CDH13: variants seen among roughly 807,000 people sequenced by gnomAD.
The protein encoded by CDH13 is cadherin-13.
In CDH13, 24 loss-of-function variants were observed where a neutral mutation model predicts 63.8. The ratio of observed to expected loss-of-function variants is 0.38; its 90% CI spans 0.27 to 0.53. The LOEUF is 0.53. Ranked by LOEUF, CDH13 falls within the 20% of genes least tolerant of loss-of-function variation. The probability of loss-of-function intolerance (pLI) is 0.85; values close to 1 mark genes in which losing one functional copy is unlikely to be tolerated. For synonymous variants in CDH13, 503 were observed against 355.3 expected, an observed-to-expected ratio of 1.42 and a Z score of -4.67; for missense variants, 1,049 against 903.1, an observed-to-expected ratio of 1.16 and a Z score of -2.07.
At chr16:82,927,801 GATC>G (rs751573315) in intron 2 of CDH13, among the ~76,000 whole-genome samples, 1 of 152,176 alleles carries the variant, frequency 6.6e-6, no homozygotes, top group Non-Finnish European at 1.5e-5. Context: ...ACACACAGCC[GATC>G]ATCAACAATG....
chr16:82,641,078 G>C (rs1056037520), intron 1 of CDH13, among the ~76,000 whole-genome samples: 1 of 152,180 alleles, frequency 6.6e-6, no homozygotes, highest in East Asian at 1.9e-4. Context: ...GTGTCATTGA[G>C]GTGGTCACAG....
intron 11 of CDH13, among the ~76,000 whole-genome samples, chr16:83,752,317 T>C (rs1245865137): frequency 6.6e-6 from 1 of 152,224 alleles, no homozygotes; most frequent in Admixed American, 6.5e-5. Context: ...TCTTTACATG[T>C]ATGCAGTAAT....
intron 2 of CDH13, among the ~76,000 whole-genome samples, chr16:82,927,140 T>C (rs895013198): frequency 1.7e-4 from 26 of 152,228 alleles, no homozygotes; most frequent in African/African-American, 6.0e-4. Context: ...TGCTTGGGCT[T>C]CCTCACAGGA....
At chr16:82,839,148 C>G (rs1567587244) in intron 1 of CDH13, among the ~76,000 whole-genome samples, 1 of 152,190 alleles carries the variant, frequency 6.6e-6, no homozygotes, top group Non-Finnish European at 1.5e-5. Context: ...GACAAGAACT[C>G]AGAGGGAGAG....
Position 82,904,076 on chromosome 16 carries a change from A to G in CDH13, c.157+45603A>G, listed in dbSNP as rs536603321. 2.0e-5 allele frequency among the ~76,000 whole-genome samples: 3 copies of G among 152,270 alleles called. No homozygotes were observed. In the East Asian group the frequency reaches 5.8e-4, roughly 29 times the overall value. On this transcript the variant is annotated intron_variant, in intron 2 of 13. Transcript: ENST00000567109. Reference sequence around the variant, plus strand: ...TTAAAATATTTAAGCACACAAATTAACTGGTGCTAATTATGATATTTTGAA... The same window carrying G: ...TTAAAATATTTAAGCACACAAATTAGCTGGTGCTAATTATGATATTTTGAA...
At chr16:83,557,612 C>T (rs4357934) in intron 7 of CDH13, among the ~76,000 whole-genome samples, 21 of 152,096 alleles carry the variant, frequency 1.4e-4, no homozygotes, top group African/African-American at 5.1e-4. Context: ...CTCAGGGTGA[C>T]ATACTCTGCT....
In CDH13 at chr16:82,629,095, A is replaced by C. The variant is rs1297641448; in HGVS notation, c.45+1958A>C. Among the ~76,000 whole-genome samples, 2 of 152,202 alleles carry C rather than the reference A, an allele frequency of 1.3e-5. 1 individual carries two copies. The highest frequency in any genetic ancestry group is 3.9e-4 in the East Asian group (2 of 5,192). Reference sequence around the variant, plus strand: ...AGTTCATATTCCAGGGCTTGCCCAAAGTTATGCCTCCTTTAAAGCAAGACA... The same window carrying C: ...AGTTCATATTCCAGGGCTTGCCCAACGTTATGCCTCCTTTAAAGCAAGACA... On this transcript the variant is annotated intron_variant, in intron 1 of 13. Coordinates refer to ENST00000567109, the MANE Select transcript of CDH13 (RefSeq NM_001257.5).
intron 6 of CDH13, among the ~76,000 whole-genome samples, chr16:83,426,969 C>T (rs953696322): frequency 2.2e-5 from 3 of 133,376 alleles, no homozygotes; most frequent in African/African-American, 6.0e-5. Flanking sequence ...CTCTGTCGCC[C>T]AGGCTAGAGT....
intron 7 of CDH13, among the ~76,000 whole-genome samples, chr16:83,545,097 A>G (rs1281035761): frequency 4.6e-5 from 7 of 152,146 alleles, no homozygotes; most frequent in African/African-American, 1.7e-4. Flanking sequence ...TCACAAGCCC[A>G]TTGTTAGAGC....
At chr16:82,911,677 ACAG>A (rs2041835140) in intron 2 of CDH13, among the ~76,000 whole-genome samples, 1 of 152,168 alleles carries the variant, frequency 6.6e-6, no homozygotes, top group East Asian at 1.9e-4. Context: ...CTTGATGCAG[ACAG>A]CACCTGGTAA....
chr16:83,109,932 C>G (rs961577362), intron 3 of CDH13, among the ~76,000 whole-genome samples: 2 of 152,182 alleles, frequency 1.3e-5, no homozygotes, highest in Non-Finnish European at 2.9e-5. Flanking sequence ...ATTGCTCCTG[C>G]TAGATTCGTG....
At chr16:82,743,281 C>T (rs577724897) in intron 1 of CDH13, among the ~76,000 whole-genome samples, 129 of 152,288 alleles carry the variant, frequency 8.5e-4, no homozygotes, top group African/African-American at 2.9e-3. Flanking sequence ...GGCTGGAGCG[C>T]GGTGGCACTC....
chr16:83,175,068 A>T (rs568603126), intron 4 of CDH13, among the ~76,000 whole-genome samples: 4 of 152,194 alleles, frequency 2.6e-5, no homozygotes, highest in African/African-American at 9.6e-5. Flanking sequence ...TCAAATCATC[A>T]GCTACGTATC....
chr16:83,411,723 A>G lies in CDH13; in HGVS notation c.781+66717A>G, dbSNP rs533458950. On this transcript the variant is annotated intron_variant, in intron 6 of 13. Coordinates refer to ENST00000567109, the MANE Select transcript of CDH13 (RefSeq NM_001257.5). Reference sequence around the variant, plus strand: ...CCTAGTACACATTACAGTGTTTCACACAGAGTAGGCACTTAAACATACCAG... The same window carrying G: ...CCTAGTACACATTACAGTGTTTCACGCAGAGTAGGCACTTAAACATACCAG... 2.6e-5 allele frequency among the ~76,000 whole-genome samples: 4 copies of G among 152,262 alleles called. No individual in the cohort carries two copies. The East Asian group carries it at 7.7e-4, about 29-fold the overall frequency.
At chr16:82,998,744 T>A (rs1362443505) in intron 2 of CDH13, among the ~76,000 whole-genome samples, 2 of 152,104 alleles carry the variant, frequency 1.3e-5, no homozygotes, top group Non-Finnish European at 2.9e-5. Flanking sequence ...TAGAATAACA[T>A]ATACATATAA....
At chr16:83,774,257 C>G (rs952617936) in intron 11 of CDH13, among the ~76,000 whole-genome samples, 5 of 152,152 alleles carry the variant, frequency 3.3e-5, no homozygotes, top group African/African-American at 1.2e-4. Flanking sequence ...AATGATGATT[C>G]CTTGGGTACC....
chr16:83,391,265 A>G (rs8059012), intron 6 of CDH13, among the ~76,000 whole-genome samples: 84,293 of 151,320 alleles, frequency 0.56, 25,483 homozygotes, highest in African/African-American at 0.82. Context: ...GACTGCAATA[A>G]CATGATCTTG....
chr16:82,772,697 C>G (rs1350891), intron 1 of CDH13, among the ~76,000 whole-genome samples: 23,194 of 152,142 alleles, frequency 0.15, 2,312 homozygotes, highest in East Asian at 0.52. Context: ...CATCCTCACT[C>G]TAACTATTAT....
intron 5 of CDH13, among the ~76,000 whole-genome samples, chr16:83,222,347 T>A (rs1183803771): frequency 6.6e-6 from 1 of 152,198 alleles, no homozygotes; most frequent in African/African-American, 2.4e-5. Context: ...AATGTGGCTC[T>A]ACCCCTATTC....
Sources: allele counts gnomAD v4.1 joint callset (sites outside exome capture counted in the v4.1 genomes callset), GRCh38; gene constraint gnomAD v4.1.1; transcripts MANE v1.5; gene names NCBI Gene and HGNC (gene_info 2026-07-23, HGNC 2026-07-21).